Variants in RANBP17 observed in about 807,000 individuals in gnomAD.
The protein encoded by RANBP17 is ran-binding protein 17.
In RANBP17, 158 loss-of-function variants were observed where a neutral mutation model predicts 141.2. The observed-to-expected ratio is 1.12, with a 90% CI of 0.98 to 1.28. RANBP17 has a LOEUF of 1.28. Among genes scored for constraint, RANBP17 ranks in the 50% most tolerant of loss-of-function variants. RANBP17 has a pLI of 0.00. For missense variants in RANBP17, 1,438 were observed against 1,290.7 expected, an observed-to-expected ratio of 1.11 and a Z score of -1.75; for synonymous variants, 430 against 450.0, an observed-to-expected ratio of 0.96 and a Z score of 0.56.
intron 14 of RANBP17, among the ~76,000 whole-genome samples, chr5:171,062,894 C>G (rs1177453536): frequency 6.6e-6 from 1 of 152,100 alleles, no homozygotes; most frequent in Non-Finnish European, 1.5e-5. Flanking sequence ...TCCCTTCTCA[C>G]TTCATTTCAT....
chr5:170,935,014 C>G (rs1391261861), intron 12 of RANBP17, among the ~76,000 whole-genome samples: 1 of 152,150 alleles, frequency 6.6e-6, no homozygotes. Flanking sequence ...TCTTTTTACT[C>G]TTTTTTCTCT....
chr5:171,153,498 T>C (rs1306434540), intron 14 of RANBP17, among the ~76,000 whole-genome samples: 1 of 152,058 alleles, frequency 6.6e-6, no homozygotes, highest in Non-Finnish European at 1.5e-5. Context: ...GAACACAAAG[T>C]TAATAGGTAA....
chr5:170,967,072 A>G (rs1181920308), intron 13 of RANBP17, among the ~76,000 whole-genome samples: 4 of 152,228 alleles, frequency 2.6e-5, no homozygotes, highest in African/African-American at 7.2e-5. Flanking sequence ...AGAACATTCC[A>G]TGCTCATATA....
At chr5:171,253,026 C>G (rs1043689643) in intron 24 of RANBP17, 1 of 1,082,486 alleles carries the variant, frequency 9.2e-7, no homozygotes, top group South Asian at 1.3e-5. Flanking sequence ...TGCCGCATTT[C>G]TTCTCTGGTT....
Position 171,265,675 on chromosome 5 carries a change from G to T in RANBP17, c.2777-6G>T, listed in dbSNP as rs201309762. 3.7e-6 allele frequency: 6 copies of T among 1,605,900 alleles called. No homozygotes were observed. The highest frequency in any genetic ancestry group is 5.1e-6 in the Non-Finnish European group (6 of 1,177,466). ...GCAAATGAATTCTTATTTACTATTT[G>T]TACAGATACAGTTGTCTCCTCCAGC... is the stretch of plus-strand genomic sequence containing the variant. On this transcript the variant is annotated splice_polypyrimidine_tract_variant and splice_region_variant and intron_variant, in intron 24 of 27. Coordinates refer to ENST00000523189, the MANE Select transcript of RANBP17 (RefSeq NM_022897.5).
At chr5:170,986,482 A>T (rs531506690) in intron 14 of RANBP17, among the ~76,000 whole-genome samples, 1 of 152,056 alleles carries the variant, frequency 6.6e-6, no homozygotes, top group South Asian at 2.1e-4. Flanking sequence ...CAAATGCTTG[A>T]GGTAATGGAT....
At chr5:171,089,198 G>T (rs1372857179) in intron 14 of RANBP17, among the ~76,000 whole-genome samples, 1 of 141,490 alleles carries the variant, frequency 7.1e-6, no homozygotes, top group Non-Finnish European at 1.6e-5. Context: ...TCAGCTGCAG[G>T]TCTGTTGGAA....
chr5:171,029,034 C>A, intron 14 of RANBP17: 2 of 875,796 alleles, frequency 2.3e-6, no homozygotes, highest in Non-Finnish European at 1.5e-6. Context: ...CTTTTCTGGT[C>A]AGGTAAGTCA....
intron 14 of RANBP17, among the ~76,000 whole-genome samples, chr5:171,115,715 C>T (rs1375799005): frequency 6.6e-6 from 1 of 152,104 alleles, no homozygotes; most frequent in Admixed American, 6.6e-5. Flanking sequence ...TGGTATTTCA[C>T]AGGAAAGGGG....
intron 14 of RANBP17, among the ~76,000 whole-genome samples, chr5:171,101,681 T>C (rs1252570705): frequency 6.6e-6 from 1 of 152,218 alleles, no homozygotes; most frequent in Non-Finnish European, 1.5e-5. Flanking sequence ...ATGCAGTTTC[T>C]TCAATGTCAG....
chr5:171,293,744 A>G (rs777403025), intron 25 of RANBP17, 139 bp from the exon 26 acceptor site: 1 of 657,450 alleles, frequency 1.5e-6, no homozygotes, highest in South Asian at 1.8e-5. Context: ...AAGCTTCCAG[A>G]GTCTAGTCCG....
chr5:170,987,791 A>C (rs1377393231), intron 14 of RANBP17, among the ~76,000 whole-genome samples: 1 of 151,674 alleles, frequency 6.6e-6, no homozygotes, highest in East Asian at 1.9e-4. Context: ...GCACTAGACG[A>C]GGATGTTTGG....
chr5:171,022,489 T>A (rs1277378038), intron 14 of RANBP17, among the ~76,000 whole-genome samples: 2 of 152,208 alleles, frequency 1.3e-5, no homozygotes, highest in Non-Finnish European at 2.9e-5. Flanking sequence ...ACCCTCTGGC[T>A]GGAGTTACAG....
At chr5:171,189,739 G>A (rs554779438) in intron 18 of RANBP17, among the ~76,000 whole-genome samples, 2 of 152,314 alleles carry the variant, frequency 1.3e-5, no homozygotes, top group South Asian at 2.1e-4. Flanking sequence ...CTTTATAGAC[G>A]ATGATTTGTT....
chr5:171,240,925 C>T lies in RANBP17; in HGVS notation c.2423-3C>T. 6.2e-7 allele frequency: 1 copy of T among 1,603,762 alleles called. No individual in the cohort carries two copies. The highest frequency in any genetic ancestry group is 8.5e-7 in the Non-Finnish European group (1 of 1,171,228). ...GTCACTTTCTGCTTTTATCCTGAAA[C>T]AGGTAATCAGATCCTGTCCCTTGGG... On this transcript the variant is annotated splice_region_variant and splice_polypyrimidine_tract_variant and intron_variant, in intron 22 of 27. Coordinates refer to ENST00000523189, the MANE Select transcript of RANBP17 (RefSeq NM_022897.5).
At chr5:170,984,708 A>C (rs1778003545) in intron 14 of RANBP17, among the ~76,000 whole-genome samples, 1 of 152,154 alleles carries the variant, frequency 6.6e-6, no homozygotes, top group Admixed American at 6.6e-5. Flanking sequence ...TATAATTTAA[A>C]ACGTTAAAAC....
intron 14 of RANBP17, among the ~76,000 whole-genome samples, chr5:170,986,972 C>A (rs1778184675): frequency 6.6e-6 from 1 of 151,810 alleles, no homozygotes; most frequent in Non-Finnish European, 1.5e-5. Flanking sequence ...GCTGCTGTTT[C>A]ATGGTACTTG....
At chr5:171,295,784 T>G in intron 26 of RANBP17, 103 bp from the exon 27 acceptor site, 1 of 1,279,630 alleles carries the variant, frequency 7.8e-7, no homozygotes, top group Non-Finnish European at 1.1e-6. Context: ...CTCTGAGCAT[T>G]AGTGAGCCCT....
chr5:171,066,096 A>G (rs961332256), intron 14 of RANBP17, among the ~76,000 whole-genome samples: 1 of 152,118 alleles, frequency 6.6e-6, no homozygotes, highest in Non-Finnish European at 1.5e-5. Context: ...TCCTGACCTC[A>G]AGTGATCTGC....
Sources: gnomAD v4.1 joint callset for allele counts (sites outside exome capture counted in the v4.1 genomes callset) on GRCh38, gnomAD v4.1.1 for gene constraint, MANE v1.5 for transcripts, NCBI Gene and HGNC (gene_info 2026-07-23, HGNC 2026-07-21) for gene names.